SPAG16: variants seen among roughly 807,000 people sequenced by gnomAD.
The protein encoded by SPAG16 is sperm associated antigen 16.
Under a neutral mutation model 80.4 loss-of-function variants are expected in SPAG16, and 86 were observed. The observed-to-expected ratio is 1.07, with a 90% CI of 0.90 to 1.28. The LOEUF (loss-of-function observed/expected upper bound fraction) is 1.28, where lower values mean the gene tolerates loss of function less well. Ranked by LOEUF, SPAG16 falls within the 50% of genes most tolerant of loss-of-function variation. The pLI is 0.00. For missense variants in SPAG16, 870 were observed against 765.3 expected, an observed-to-expected ratio of 1.14 and a Z score of -1.61; for synonymous variants, 294 against 265.9, an observed-to-expected ratio of 1.11 and a Z score of -1.03.
intron 10 of SPAG16, among the ~76,000 whole-genome samples, chr2:213,711,808 C>T (rs373202598): frequency 6.6e-6 from 1 of 152,088 alleles, no homozygotes; most frequent in African/African-American, 2.4e-5. Context: ...GTGTGAGCCA[C>T]CACGCCCGAC....
intron 10 of SPAG16, among the ~76,000 whole-genome samples, chr2:213,666,478 A>G (rs2063607658): frequency 6.6e-6 from 1 of 152,146 alleles, no homozygotes; most frequent in Non-Finnish European, 1.5e-5. Flanking sequence ...AAAACCTAGG[A>G]CTGCATGTAT....
chr2:213,878,092 A>G (rs2076205071), intron 11 of SPAG16, among the ~76,000 whole-genome samples: 1 of 152,004 alleles, frequency 6.6e-6, no homozygotes, highest in South Asian at 2.1e-4. Flanking sequence ...GTTCATCTTT[A>G]TTTTGACTTT....
At chr2:213,935,519 C>T (rs1282305093) in intron 12 of SPAG16, among the ~76,000 whole-genome samples, 2 of 152,118 alleles carry the variant, frequency 1.3e-5, no homozygotes, top group Non-Finnish European at 2.9e-5. Flanking sequence ...TCCATGAAAT[C>T]CTGCTTGCCA....
chr2:213,883,527 A>G (rs115102543), intron 11 of SPAG16, among the ~76,000 whole-genome samples: 1,577 of 152,220 alleles, frequency 0.01, 33 homozygotes, highest in African/African-American at 0.035. Flanking sequence ...TATTAGGTCC[A>G]TTTGCTTAAG....
chr2:213,887,232 A>C (rs1559553685), intron 11 of SPAG16, among the ~76,000 whole-genome samples: 1 of 152,010 alleles, frequency 6.6e-6, no homozygotes, highest in Non-Finnish European at 1.5e-5. Context: ...CAGTTTTTCC[A>C]TTCATGTTGT....
chr2:213,527,496 A>G (rs1437953806), intron 10 of SPAG16, among the ~76,000 whole-genome samples: 1 of 152,124 alleles, frequency 6.6e-6, no homozygotes, highest in Non-Finnish European at 1.5e-5. Context: ...CATTTAATGT[A>G]TTCTTTAAAT....
intron 13 of SPAG16, among the ~76,000 whole-genome samples, chr2:214,087,407 A>G (rs2051843689): frequency 6.6e-6 from 1 of 152,178 alleles, no homozygotes; most frequent in Non-Finnish European, 1.5e-5. Context: ...TGATTATGAT[A>G]TGGATTATGT....
chr2:213,932,549 T>C (rs571972042), intron 12 of SPAG16, among the ~76,000 whole-genome samples: 1 of 152,192 alleles, frequency 6.6e-6, no homozygotes, highest in South Asian at 2.1e-4. Flanking sequence ...TGGTAGACAG[T>C]ATTAGTCACC....
chr2:213,689,418 T>C (rs569844350), intron 10 of SPAG16, among the ~76,000 whole-genome samples: 1 of 152,224 alleles, frequency 6.6e-6, no homozygotes, highest in South Asian at 2.1e-4. Flanking sequence ...TACTGGATAT[T>C]TTTATTCTAT....
intron 10 of SPAG16, among the ~76,000 whole-genome samples, chr2:213,610,386 A>T (rs1218011339): frequency 6.6e-6 from 1 of 152,138 alleles, no homozygotes; most frequent in Non-Finnish European, 1.5e-5. Context: ...ACTTTTGAAA[A>T]TCTGAAAGAA....
At chr2:214,029,321 G>A (rs753082194) in intron 13 of SPAG16, among the ~76,000 whole-genome samples, 2 of 151,986 alleles carry the variant, frequency 1.3e-5, no homozygotes, top group Non-Finnish European at 2.9e-5. Context: ...ATAAAATGAG[G>A]CCAGAGAGTG....
chr2:213,366,082 C>T (rs1316803816), intron 8 of SPAG16, among the ~76,000 whole-genome samples: 1 of 142,136 alleles, frequency 7.0e-6, no homozygotes, highest in Non-Finnish European at 1.5e-5. Flanking sequence ...GCGGAGCTTG[C>T]AGTGAGCCGA....
intron 11 of SPAG16, among the ~76,000 whole-genome samples, chr2:213,866,360 G>T (rs2075683056): frequency 6.6e-6 from 1 of 152,028 alleles, no homozygotes; most frequent in East Asian, 1.9e-4. Flanking sequence ...GCAGTTGTAT[G>T]TTTAAAAAGA....
At chr2:213,364,681 C>G (rs1016484723) in intron 8 of SPAG16, 1 of 151,696 alleles carries the variant, frequency 6.6e-6, no homozygotes, top group African/African-American at 2.4e-5. Flanking sequence ...GAGAAGAGAG[C>G]TGCAATGAGG....
chr2:214,123,605 G>C (rs1014978379), intron 14 of SPAG16, among the ~76,000 whole-genome samples: 4 of 151,914 alleles, frequency 2.6e-5, no homozygotes, highest in Non-Finnish European at 4.4e-5. Flanking sequence ...TTAATAATCA[G>C]AGACAATAAA....
At chr2:213,556,195 A>G (rs765456958) in intron 10 of SPAG16, among the ~76,000 whole-genome samples, 5 of 151,760 alleles carry the variant, frequency 3.3e-5, no homozygotes, top group Non-Finnish European at 7.4e-5. Context: ...AACAACAGCA[A>G]CAATAACAAA....
intron 14 of SPAG16, among the ~76,000 whole-genome samples, chr2:214,119,183 A>T (rs1236047078): frequency 9.9e-5 from 15 of 152,166 alleles, no homozygotes; most frequent in Admixed American, 9.2e-4. Context: ...TATGGCCCTG[A>T]AAAACTATTG....
chr2:213,657,055 G>A (rs2063248147), intron 10 of SPAG16, among the ~76,000 whole-genome samples: 1 of 152,086 alleles, frequency 6.6e-6, no homozygotes, highest in African/African-American at 2.4e-5. Context: ...TATTCAACAT[G>A]ATAAAATTCT....
intron 14 of SPAG16, among the ~76,000 whole-genome samples, chr2:214,141,709 A>G (rs2055370743): frequency 6.6e-6 from 1 of 152,292 alleles, no homozygotes; most frequent in African/African-American, 2.4e-5. Flanking sequence ...CAATGAGGAC[A>G]TTATCCCACT....
Sources: allele counts gnomAD v4.1 joint callset (sites outside exome capture counted in the v4.1 genomes callset), GRCh38; gene constraint gnomAD v4.1.1; transcripts MANE v1.5; gene names NCBI Gene and HGNC (gene_info 2026-07-23, HGNC 2026-07-21).